The following BEST4 variants were observed in gnomAD, a reference collection of about 807,000 sequenced individuals.
The protein encoded by BEST4 is bestrophin 4.
In BEST4, 36 loss-of-function variants were observed where a neutral mutation model predicts 47.1. That is an observed-to-expected ratio of 0.76 (90% confidence interval 0.59 to 1.01). The LOEUF (loss-of-function observed/expected upper bound fraction) is 1.01. BEST4 is among the 50% of genes least tolerant of loss of function. BEST4 has a pLI of 0.00. For missense variants in BEST4, 550 were observed against 648.6 expected (o/e 0.85, Z 1.65); for synonymous variants, 250 against 277.8 (o/e 0.90, Z 1.00).
At position 44,787,541 on chromosome 1, in the gene BEST4, A is replaced by T; in HGVS notation, c.152+13T>A. The T allele has an allele frequency of 1.2e-6, 2 of 1,613,892 alleles. No individual in the cohort carries two copies. The highest frequency in any genetic ancestry group is 1.7e-6 in the Non-Finnish European group (2 of 1,179,970). On this transcript the variant is annotated intron_variant, in intron 1 of 8. Coordinates refer to ENST00000372207, the MANE Select transcript of BEST4 (RefSeq NM_153274.3). ...TCTCCCCACTTGCGCCAGCTCTAAGACCCTGCCCTTACCGGTAGGTGATGC... is the reference window on the plus strand; with the variant it reads ...TCTCCCCACTTGCGCCAGCTCTAAGTCCCTGCCCTTACCGGTAGGTGATGC...
At chr1:44,788,991 A>C (rs1213743697), upstream of BEST4, among the ~76,000 whole-genome samples, 1 of 152,170 alleles carries the variant, frequency 6.6e-6, no homozygotes, top group African/African-American at 2.4e-5. Context: ...GGTGGCTCAC[A>C]CCTGTAATCC....
chr1:44,790,752 A>T (rs947081034), upstream of BEST4, among the ~76,000 whole-genome samples: 8 of 151,350 alleles, frequency 5.3e-5, no homozygotes, highest in South Asian at 2.1e-4. Context: ...TCTACAAAAA[A>T]TTTTTTTAAA....
At position 44,784,646 on chromosome 1, in the gene BEST4, G is replaced by A. The variant is rs2148846685; in HGVS notation, c.1131C>T (p.Gly377=). The A allele has an allele frequency of 6.2e-7, 1 of 1,613,418 alleles. No individual in the cohort carries two copies. The highest frequency in any genetic ancestry group is 1.1e-5 in the South Asian group (1 of 91,042). The change falls in exon 8 of 9, where the codon GGC becomes GGT. Residue 377 remains glycine (G), a synonymous_variant. Transcript: ENST00000372207. The surrounding 1 kb of genome is among the most constrained non-coding windows in gnomAD (Gnocchi z 6.2). ...CCACTCACCGCAGGTTGAAGGTGGA[G>A]CCCAGGAATGAGGGCCGCAGAGACT... ...AAESLRPSFL[G]STFNLRMSDD... is the part of the protein sequence containing the mutation.
Position 44,786,511 on chromosome 1 carries a change from TGCTGACCGAGCGCAGCACCAG to T in BEST4, c.412_432del (p.Leu138_Ser144del), listed in dbSNP as rs1344821118. ...GTGGGGAAGCGCTTAAGCACGCGGG[TGCTGACCGAGCGCAGCACCAG>T]CACGGACGCCAGGTTCGCGTAGCGG... On this transcript the variant is annotated inframe_deletion, in exon 3 of 9. Transcript: ENST00000372207. This position sits in a 1 kb window ranked among gnomAD's most constrained non-coding sequence, Gnocchi z 4.9. The T allele has an allele frequency of 6.5e-7, 1 of 1,546,986 alleles. No homozygotes were observed. Among genetic ancestry groups the T allele is most frequent in the Non-Finnish European group, 8.7e-7 (1 of 1,146,872 alleles).
rs761686766 is a variant in BEST4, at chr1:44,786,143, G to C, written c.567C>G (p.Thr189=). The C allele has an allele frequency of 1.2e-6, 2 of 1,613,940 alleles. No homozygotes were observed. The highest frequency in any genetic ancestry group is 2.7e-5 in the African/African-American group (2 of 74,926). The change falls in exon 4 of 9, where the codon ACC becomes ACG. Residue 189 remains threonine, a synonymous_variant. Transcript: ENST00000372207. This position sits in a 1 kb window ranked among gnomAD's most constrained non-coding sequence, Gnocchi z 4.9. ...CCCTCCGGGCCTGGGCCGCCAGGTT[G>C]GTGAACCAGACGCAGGGGACCCAGT... ...NKYWVPCVWF[T]NLAAQARRDG... is the part of the protein sequence containing the mutation.
chr1:44,785,464 G>A, intron 5 of BEST4, 135 bp downstream of exon 5: 1 of 1,204,390 alleles, frequency 8.3e-7, no homozygotes, highest in Middle Eastern at 2.1e-4. Flanking sequence ...GGGGGTGGTG[G>A]GGGGCTTTTA....
upstream of BEST4, among the ~76,000 whole-genome samples, chr1:44,789,324 C>T (rs192295789): frequency 3.4e-5 from 5 of 147,858 alleles, no homozygotes; most frequent in Admixed American, 2.0e-4. Flanking sequence ...CGCTTGAACC[C>T]GGGAGGGAGA....
In BEST4 at chr1:44,786,038, A is replaced by T. The variant is rs764151612; in HGVS notation, c.636+36T>A. 1.9e-6 allele frequency: 3 copies of T among 1,551,662 alleles called. No homozygotes were observed. Among genetic ancestry groups the T allele is most frequent in the African/African-American group, 2.8e-5 (2 of 72,100 alleles). On this transcript the variant is annotated intron_variant, in intron 4 of 8. Coordinates refer to ENST00000372207, the MANE Select transcript of BEST4 (RefSeq NM_153274.3). The surrounding 1 kb of genome is among the most constrained non-coding windows in gnomAD (Gnocchi z 4.9). ...ATTATTCATCTTTAAAATTAGAGGG[A>T]GGAGGGCAGATGGGTCTGGTCCTGA...
At position 44,786,095 on chromosome 1, in the gene BEST4, G is replaced by C; in HGVS notation, c.615C>G (p.Ile205Met). Residue 205 changes from isoleucine (I) to methionine (M), a missense_variant, in exon 4 of 9, where the codon ATC (isoleucine) becomes ATG (methionine). Physicochemically the swap from Ile to Met is conservative, Grantham distance 10. Coordinates refer to ENST00000372207, the MANE Select transcript of BEST4 (RefSeq NM_153274.3). The surrounding 1 kb of genome is among the most constrained non-coding windows in gnomAD (Gnocchi z 4.9). The part of the protein sequence containing the change: ...ARRDGRIRDD[I>M]ALCLLLEELN... The stretch of plus-strand genomic sequence containing the variant: ...TCACTTCCAAAAGTAGACAGAGAGC[G>C]ATATCGTCACGTATTCGCCCGTCCC... 1 of 1,611,302 alleles carries C rather than the reference G, an allele frequency of 6.2e-7. No individual in the cohort carries two copies. The highest frequency in any genetic ancestry group is 8.5e-7 in the Non-Finnish European group (1 of 1,178,936).
chr1:44,791,764 T>C (rs1573603009), upstream of BEST4, among the ~76,000 whole-genome samples: 1 of 151,844 alleles, frequency 6.6e-6, no homozygotes, highest in African/African-American at 2.4e-5. Context: ...AGCTCTCCTC[T>C]CCCTCCCTAT....
At chr1:44,787,151 T>A (rs1045186217) in intron 2 of BEST4, among the ~76,000 whole-genome samples, 5 of 149,944 alleles carry the variant, frequency 3.3e-5, no homozygotes, top group East Asian at 1.9e-4. Context: ...TTCTTTTTTT[T>A]TTTTTTTTTT....
rs575086618 is a variant in BEST4, at chr1:44,784,135, G to A, written c.*75C>T. ...ACACAGGAAAAGCTGCTCTAATAGA[G>A]CTGGCTGGCAGGACCGGGCACGGGA... is the stretch of plus-strand genomic sequence containing the variant. On this transcript the variant is annotated 3_prime_UTR_variant, in exon 9 of 9. Coordinates refer to ENST00000372207, the MANE Select transcript of BEST4 (RefSeq NM_153274.3). This position sits in a 1 kb window ranked among gnomAD's most constrained non-coding sequence, Gnocchi z 6.2. 8 of 1,313,806 alleles carry A rather than the reference G, an allele frequency of 6.1e-6. No homozygotes were observed. The South Asian group carries it at 1.1e-4, about 18-fold the overall frequency. The allele number at this position is 1,313,806 out of a possible 1,614,324, so 81.4% of individuals were successfully genotyped here. A position where few individuals can be genotyped will look rare whatever the true frequency, so the allele number is the denominator to read the frequency against.
In BEST4 at chr1:44,783,990, C is replaced by T; in HGVS notation, c.*220G>A. The stretch of plus-strand genomic sequence containing the variant: ...GGGCTCATTTATTTTTCTAGCTTCA[C>T]GTCCCCCAAGCAACCGACCTTCTCT... On this transcript the variant is annotated 3_prime_UTR_variant, in exon 9 of 9. Transcript: ENST00000372207. 4.5e-6 allele frequency: 2 copies of T among 447,656 alleles called. No individual in the cohort carries two copies. The highest frequency in any genetic ancestry group is 7.7e-6 in the Non-Finnish European group (2 of 260,908). 27.7% of individuals were successfully genotyped at this position (447,656 alleles called of 1,614,324 possible). A position where few individuals can be genotyped will look rare whatever the true frequency, so the allele number is the denominator to read the frequency against.
Position 44,784,704 on chromosome 1 carries a change from G to A in BEST4, c.1073C>T (p.Pro358Leu), listed in dbSNP as rs141308464. ...EKDQYWDEDQ[P>L]QPPYTVATAA... The stretch of plus-strand genomic sequence containing the variant: ...CGTGGCCACAGTGTAGGGTGGCTGC[G>A]GCTGGTCCTCATCCCAGTACTGGTC... Residue 358 changes from proline (P) to leucine (L), a missense_variant, in exon 8 of 9, where the codon CCG becomes CTG. By Grantham distance (98) the Pro-to-Leu change is moderately conservative (BLOSUM62 -3). Around this residue, in one of 3 missense-constraint regions of BEST4, gnomAD observed 255 missense variants for 286.6 expected, o/e 0.89. Coordinates refer to ENST00000372207, the MANE Select transcript of BEST4 (RefSeq NM_153274.3). The surrounding 1 kb of genome is among the most constrained non-coding windows in gnomAD (Gnocchi z 6.2). 8.1e-6 allele frequency: 13 copies of A among 1,611,614 alleles called. No individual in the cohort carries two copies. The highest frequency in any genetic ancestry group is 2.2e-5 in the East Asian group (1 of 44,892).
chr1:44,787,342 G>A lies in BEST4; in HGVS notation c.247+30C>T. On this transcript the variant is annotated intron_variant, in intron 2 of 8. Coordinates refer to ENST00000372207, the MANE Select transcript of BEST4 (RefSeq NM_153274.3). Reference sequence around the variant, plus strand: ...AGAGGTCAGGGAACACAGTAAGGGGGACACAGGGAAAACTAGAAGGGAGCC... The same window carrying A: ...AGAGGTCAGGGAACACAGTAAGGGGAACACAGGGAAAACTAGAAGGGAGCC... The A allele has an allele frequency of 6.2e-6, 10 of 1,609,254 alleles. No homozygotes were observed. The South Asian group carries it at 6.6e-5, about 11-fold the overall frequency.
chr1:44,786,199 AC>A lies in BEST4; in HGVS notation c.510del (p.Lys170AsnfsTer5). 6.2e-7 allele frequency: 1 copy of A among 1,613,888 alleles called. No homozygotes were observed. The highest frequency in any genetic ancestry group is 1.1e-5 in the South Asian group (1 of 91,074). On this transcript the variant is annotated frameshift_variant, in exon 4 of 9. Transcript: ENST00000372207. LOFTEE classifies it high-confidence loss of function. The surrounding 1 kb of genome is among the most constrained non-coding windows in gnomAD (Gnocchi z 4.9). ...AGFMSQEERK[K>X]FESLKSDFNK... ...TTGAAGTCGGATTTCAGGCTCTCAA[AC>A]TTTTTCCTCTCTTCCTGGGACATGA...
Position 44,787,668 on chromosome 1 carries a change from C to T in BEST4, c.38G>A (p.Arg13His), listed in dbSNP as rs549654949. The change falls in exon 1 of 9, where the codon CGC (arginine) becomes CAC (histidine). Residue 13 changes from arginine to histidine, a missense_variant. Physicochemically the swap from Arg to His is conservative, Grantham distance 29. This residue lies in a region of BEST4 where 291 missense variants were observed against 342.4 expected (regional missense o/e 0.85). Coordinates refer to ENST00000372207, the MANE Select transcript of BEST4 (RefSeq NM_153274.3). ...AAGCAGGCCAGAGAAACCTCCGAAG[C>T]GGGCCTCCGCCACTTTGAGAGTGTA... Reference protein sequence around the residue: ...VSYTLKVAEARFGGFSGLLLR... With the variant: ...VSYTLKVAEAHFGGFSGLLLR... 20 of 1,614,184 alleles carry T rather than the reference C, an allele frequency of 1.2e-5. No individual in the cohort carries two copies. The highest frequency in any genetic ancestry group is 1.1e-4 in the South Asian group (10 of 91,090).
chr1:44,785,065 C>T, intron 6 of BEST4, 43 bp downstream of exon 6: 2 of 1,610,558 alleles, frequency 1.2e-6, no homozygotes, highest in Non-Finnish European at 1.7e-6. Context: ...CCTCTGCCCA[C>T]ATCTCCACAG....
upstream of BEST4, among the ~76,000 whole-genome samples, chr1:44,792,660 C>T (rs913304289): frequency 3.9e-5 from 6 of 152,082 alleles, no homozygotes; most frequent in African/African-American, 1.4e-4. Context: ...AAGCCAATAG[C>T]CCTTCCCAAG....
Sources: allele counts gnomAD v4.1 joint callset (sites outside exome capture counted in the v4.1 genomes callset), GRCh38; gene constraint gnomAD v4.1.1; regional missense constraint gnomAD v4.1.1; non-coding constraint Gnocchi (gnomAD v3.1); transcripts MANE v1.5; gene names NCBI Gene and HGNC (gene_info 2026-07-23, HGNC 2026-07-21).